Variants in NR6A1 observed in about 807,000 individuals in gnomAD.
NR6A1 encodes the protein nuclear receptor subfamily 6 group A member 1.
NR6A1 carries 7 observed loss-of-function variants against 59.1 expected under a neutral mutation model. That is an observed-to-expected ratio of 0.12 (90% CI 0.07 to 0.22). NR6A1 has a LOEUF of 0.22. Among genes scored for constraint, NR6A1 ranks in the 10% least tolerant of loss-of-function variants. The probability of loss-of-function intolerance (pLI) is 1.00; values close to 1 mark genes in which losing one functional copy is unlikely to be tolerated. For missense variants in NR6A1, 468 were observed against 611.6 expected, an observed-to-expected ratio of 0.77 and a Z score of 2.48; for synonymous variants, 243 against 236.1, an observed-to-expected ratio of 1.03 and a Z score of -0.27.
intron 2 of NR6A1, among the ~76,000 whole-genome samples, chr9:124,702,805 C>A (rs1432506573): frequency 6.6e-6 from 1 of 152,092 alleles, no homozygotes; most frequent in African/African-American, 2.4e-5. Flanking sequence ...GTCTCCAGAA[C>A]CGTAAGTCAA....
chr9:124,686,119 C>T (rs373867782), intron 2 of NR6A1, among the ~76,000 whole-genome samples: 1 of 152,188 alleles, frequency 6.6e-6, no homozygotes, highest in South Asian at 2.1e-4. Flanking sequence ...AATCTATACT[C>T]TACCTGAGGC....
At chr9:124,634,095 G>A (rs555504038) in intron 2 of NR6A1, among the ~76,000 whole-genome samples, 1 of 152,104 alleles carries the variant, frequency 6.6e-6, no homozygotes, top group Non-Finnish European at 1.5e-5. Context: ...TAGTCAGCCT[G>A]TCATGATAAA....
At chr9:124,734,383 CAGTA>C (rs1453607884) in intron 1 of NR6A1, among the ~76,000 whole-genome samples, 3 of 152,152 alleles carry the variant, frequency 2.0e-5, no homozygotes, top group African/African-American at 7.2e-5. Context: ...AGTATTTCAC[CAGTA>C]AATTCAGAAA....
At chr9:124,597,496 C>A (rs887680007) in intron 2 of NR6A1, among the ~76,000 whole-genome samples, 5 of 152,184 alleles carry the variant, frequency 3.3e-5, no homozygotes, top group African/African-American at 1.2e-4. Flanking sequence ...TATCTGCACA[C>A]AACAGAGGTG....
chr9:124,591,599 C>T (rs1311609325), intron 2 of NR6A1, among the ~76,000 whole-genome samples: 1 of 152,160 alleles, frequency 6.6e-6, no homozygotes, highest in Admixed American at 6.5e-5. Flanking sequence ...TCTGATTGGT[C>T]CCACTAACAA....
At chr9:124,638,176 A>G (rs908470127) in intron 2 of NR6A1, among the ~76,000 whole-genome samples, 7 of 151,758 alleles carry the variant, frequency 4.6e-5, no homozygotes, top group Admixed American at 3.3e-4. Flanking sequence ...GGATTGCTTG[A>G]GCCTAGGAGT....
intron 2 of NR6A1, among the ~76,000 whole-genome samples, chr9:124,680,583 G>A (rs533735977): frequency 2.6e-4 from 40 of 152,176 alleles, no homozygotes; most frequent in African/African-American, 8.2e-4. Context: ...CTGTACAAAC[G>A]AGCCCTTAAA....
At chr9:124,682,680 T>A (rs1345194250) in intron 2 of NR6A1, among the ~76,000 whole-genome samples, 1 of 152,222 alleles carries the variant, frequency 6.6e-6, no homozygotes, top group Non-Finnish European at 1.5e-5. Flanking sequence ...TCTGTTTAAT[T>A]TCTAGAAAGT....
chr9:124,589,174 C>T (rs1835029600), intron 2 of NR6A1, among the ~76,000 whole-genome samples: 2 of 151,938 alleles, frequency 1.3e-5, no homozygotes, highest in South Asian at 2.1e-4. Context: ...CAGGCCAGGC[C>T]GGTGGCTCAC....
At chr9:124,561,538 A>C (rs568199501) in intron 2 of NR6A1, among the ~76,000 whole-genome samples, 4 of 152,230 alleles carry the variant, frequency 2.6e-5, no homozygotes, top group Admixed American at 6.5e-5. Context: ...AGTCTGTAAT[A>C]GAATAAAGTA....
intron 2 of NR6A1, among the ~76,000 whole-genome samples, chr9:124,679,545 T>C (rs1838064256): frequency 6.6e-6 from 1 of 152,130 alleles, no homozygotes; most frequent in South Asian, 2.1e-4. Flanking sequence ...GCTTGCAGTA[T>C]AACATTAGCA....
At chr9:124,566,977 G>A (rs1321491978) in intron 2 of NR6A1, among the ~76,000 whole-genome samples, 13 of 151,090 alleles carry the variant, frequency 8.6e-5, no homozygotes, top group East Asian at 1.9e-4. Context: ...GCGTAGTGGC[G>A]GGCGCCTGTA....
At chr9:124,663,533 G>A (rs1239448548) in intron 2 of NR6A1, among the ~76,000 whole-genome samples, 1 of 152,068 alleles carries the variant, frequency 6.6e-6, no homozygotes, top group East Asian at 1.9e-4. Context: ...CTGCCAGGCT[G>A]TTTTCAGAGT....
At chr9:124,725,420 C>T (rs1839685176) in intron 2 of NR6A1, among the ~76,000 whole-genome samples, 1 of 152,016 alleles carries the variant, frequency 6.6e-6, no homozygotes, top group Admixed American at 6.6e-5. Flanking sequence ...AAAAGCCAAG[C>T]CATTTAATTG....
intron 2 of NR6A1, among the ~76,000 whole-genome samples, chr9:124,585,419 C>T (rs1834890933): frequency 6.6e-6 from 1 of 151,980 alleles, no homozygotes; most frequent in Non-Finnish European, 1.5e-5. Context: ...TGGCAGGCAC[C>T]TGTAGTCCCA....
intron 2 of NR6A1, among the ~76,000 whole-genome samples, chr9:124,597,167 A>G (rs1835295090): frequency 6.6e-6 from 1 of 152,118 alleles, no homozygotes; most frequent in Non-Finnish European, 1.5e-5. Context: ...CCTAAAGAGA[A>G]AGTGACCAAT....
At chr9:124,524,554 TG>T (rs1453649961) in intron 9 of NR6A1, among the ~76,000 whole-genome samples, 166 bp downstream of exon 9, 1 of 152,180 alleles carries the variant, frequency 6.6e-6, no homozygotes, top group Non-Finnish European at 1.5e-5. Context: ...CTATGGAGAA[TG>T]CAAGCTTCTC....
chr9:124,762,701 C>G (rs553384618), intron 1 of NR6A1, among the ~76,000 whole-genome samples: 7 of 152,194 alleles, frequency 4.6e-5, no homozygotes, highest in Admixed American at 2.0e-4. Context: ...TTGAACAGAT[C>G]TCTTAGCTGT....
At chr9:124,613,697 A>T (rs1436163393) in intron 2 of NR6A1, among the ~76,000 whole-genome samples, 2 of 152,178 alleles carry the variant, frequency 1.3e-5, no homozygotes, top group Non-Finnish European at 2.9e-5. Flanking sequence ...AATAAAAATT[A>T]AAAGAAAAGC....
Sources: allele counts gnomAD v4.1 joint callset (sites outside exome capture counted in the v4.1 genomes callset), GRCh38; gene constraint gnomAD v4.1.1; transcripts MANE v1.5; gene names NCBI Gene and HGNC (gene_info 2026-07-23, HGNC 2026-07-21).